CDH12: variants seen among roughly 807,000 people sequenced by gnomAD.
CDH12 encodes the protein cadherin-12.
In CDH12, 41 loss-of-function variants were observed where a neutral mutation model predicts 74.1. The observed-to-expected ratio is 0.55, with a 90% CI of 0.43 to 0.72. The LOEUF is 0.72. Ranked by LOEUF, CDH12 falls within the 30% of genes least tolerant of loss-of-function variation. The pLI is 0.00. For missense variants in CDH12, 945 were observed against 977.2 expected (o/e 0.97, Z 0.44); for synonymous variants, 399 against 355.0 (o/e 1.12, Z -1.39).
At chr5:22,404,226 C>A (rs1742846697) in intron 3 of CDH12, among the ~76,000 whole-genome samples, 1 of 151,834 alleles carries the variant, frequency 6.6e-6, no homozygotes, top group South Asian at 2.1e-4. Flanking sequence ...GTCTGGCAAT[C>A]TAAACCCCTC....
chr5:22,097,785 C>A (rs1484131592), intron 4 of CDH12, among the ~76,000 whole-genome samples: 1 of 152,042 alleles, frequency 6.6e-6, no homozygotes, highest in East Asian at 1.9e-4. Flanking sequence ...CCCCTTTCCA[C>A]CCCATTAAAA....
chr5:22,295,698 C>T (rs1259154936), intron 3 of CDH12, among the ~76,000 whole-genome samples: 1 of 151,958 alleles, frequency 6.6e-6, no homozygotes, highest in African/African-American at 2.4e-5. Flanking sequence ...ATTATACTGA[C>T]AATAACTAAA....
chr5:22,528,691 AT>A (rs931282101), intron 1 of CDH12, among the ~76,000 whole-genome samples: 7 of 152,020 alleles, frequency 4.6e-5, no homozygotes, highest in South Asian at 2.1e-4. Flanking sequence ...ATCTTATTAT[AT>A]TTTTTTAGTT....
At chr5:22,122,475 G>A (rs1189281715) in intron 4 of CDH12, among the ~76,000 whole-genome samples, 3 of 152,026 alleles carry the variant, frequency 2.0e-5, no homozygotes, top group Admixed American at 1.3e-4. Flanking sequence ...AAGATCTTCC[G>A]AAGGACTCAT....
At chr5:21,806,793 T>G (rs186222290) in intron 9 of CDH12, among the ~76,000 whole-genome samples, 25 of 152,328 alleles carry the variant, frequency 1.6e-4, no homozygotes, top group Middle Eastern at 3.4e-3. Context: ...GCTTCTAGCC[T>G]CACAGGCTGG....
intron 1 of CDH12, among the ~76,000 whole-genome samples, chr5:22,829,766 C>T (rs1451115474): frequency 6.6e-6 from 1 of 152,158 alleles, no homozygotes; most frequent in Non-Finnish European, 1.5e-5. Context: ...CTCTTGCTGA[C>T]CAGAGCCTGA....
rs143983169 is a variant in CDH12, at chr5:22,500,679, G to A, written c.-428+4591C>T. On this transcript the variant is annotated intron_variant, in intron 2 of 14. Coordinates refer to ENST00000382254, the MANE Select transcript of CDH12 (RefSeq NM_004061.5). Reference sequence around the variant, plus strand: ...TTTGATTGCTGCACAAAGATTCCATGCTCAGTATGTTCTGATACTTGGCTT... The same window carrying A: ...TTTGATTGCTGCACAAAGATTCCATACTCAGTATGTTCTGATACTTGGCTT... Among the ~76,000 whole-genome samples, 565 of 152,214 alleles carry A rather than the reference G, an allele frequency of 3.7e-3. 2 individuals are homozygous for A. The highest frequency in any genetic ancestry group is 0.013 in the African/African-American group (533 of 41,544).
chr5:22,420,454 G>T (rs77437697), intron 2 of CDH12, among the ~76,000 whole-genome samples: 1 of 152,032 alleles, frequency 6.6e-6, no homozygotes, highest in South Asian at 2.1e-4. Context: ...GTTTGTTTTT[G>T]TCAGATTTGT....
At chr5:21,787,271 T>C (rs1746247642) in intron 10 of CDH12, among the ~76,000 whole-genome samples, 1 of 152,084 alleles carries the variant, frequency 6.6e-6, no homozygotes, top group Non-Finnish European at 1.5e-5. Flanking sequence ...CATTTTTTTC[T>C]TAAGAAATTG....
At chr5:22,425,096 A>T (rs892208932) in intron 2 of CDH12, among the ~76,000 whole-genome samples, 5 of 146,394 alleles carry the variant, frequency 3.4e-5, no homozygotes, top group African/African-American at 1.3e-4. Flanking sequence ...AGAGAGAGAG[A>T]GAGAGAATTT....
chr5:21,845,403 C>T (rs1480171819), intron 7 of CDH12, among the ~76,000 whole-genome samples: 1 of 152,082 alleles, frequency 6.6e-6, no homozygotes, highest in East Asian at 1.9e-4. Flanking sequence ...ATGTGAAGTG[C>T]ACACATTTGA....
At chr5:22,809,065 A>T (rs1297744736) in intron 1 of CDH12, among the ~76,000 whole-genome samples, 1 of 151,828 alleles carries the variant, frequency 6.6e-6, no homozygotes, top group Non-Finnish European at 1.5e-5. Flanking sequence ...TGTAAGATAA[A>T]TTATTCAAAG....
chr5:22,713,586 G>A (rs766464523), intron 1 of CDH12, among the ~76,000 whole-genome samples: 7 of 79,606 alleles, frequency 8.8e-5, no homozygotes, highest in East Asian at 3.6e-4. Flanking sequence ...TACACACTGC[G>A]TAAGTGTTTT....
intron 1 of CDH12, among the ~76,000 whole-genome samples, chr5:22,746,503 T>C (rs551302964): frequency 6.6e-6 from 1 of 152,274 alleles, no homozygotes; most frequent in East Asian, 1.9e-4. Flanking sequence ...GTCTTTATTG[T>C]GATTGTTTGT....
intron 5 of CDH12, among the ~76,000 whole-genome samples, chr5:22,070,500 G>T (rs774849571): frequency 1.5e-4 from 23 of 151,998 alleles, no homozygotes; most frequent in Non-Finnish European, 3.2e-4. Context: ...TATGTGGGTG[G>T]GACACACCTA....
intron 2 of CDH12, among the ~76,000 whole-genome samples, chr5:22,459,705 T>C (rs1276265979): frequency 6.6e-6 from 1 of 152,180 alleles, no homozygotes; most frequent in Admixed American, 6.5e-5. Context: ...CTGGGTGCAG[T>C]GGCTCACGCT....
chr5:22,325,897 G>A (rs186113370), intron 3 of CDH12, among the ~76,000 whole-genome samples: 4 of 152,090 alleles, frequency 2.6e-5, no homozygotes, highest in Non-Finnish European at 1.5e-5. Context: ...GACAGAGGGA[G>A]ACTCCGTCTC....
chr5:22,125,162 A>C (rs1178555407), intron 4 of CDH12, among the ~76,000 whole-genome samples: 3 of 152,144 alleles, frequency 2.0e-5, no homozygotes, highest in Non-Finnish European at 4.4e-5. Flanking sequence ...TCACATAGGT[A>C]TACATGTACC....
intron 1 of CDH12, among the ~76,000 whole-genome samples, chr5:22,689,615 A>AG (rs1042426654): frequency 3.2e-4 from 29 of 91,900 alleles, no homozygotes; most frequent in Non-Finnish European, 6.0e-4. Flanking sequence ...TTAGTAAAAC[A>AG]GGAAAAAAAG....
Sources: allele counts gnomAD v4.1 joint callset (sites outside exome capture counted in the v4.1 genomes callset), GRCh38; gene constraint gnomAD v4.1.1; transcripts MANE v1.5; gene names NCBI Gene and HGNC (gene_info 2026-07-23, HGNC 2026-07-21).